SIL1: variants seen among roughly 807,000 people sequenced by gnomAD.
SIL1 encodes nucleotide exchange factor SIL1.
Under a neutral mutation model 49.1 loss-of-function variants are expected in SIL1, and 40 were observed. The observed-to-expected ratio is 0.81, with a 90% CI of 0.63 to 1.06. SIL1 has a LOEUF of 1.06. Among genes scored for constraint, SIL1 ranks in the 50% least tolerant of loss-of-function variants. SIL1 has a pLI of 0.00. For synonymous variants in SIL1, 253 were observed against 250.8 expected (o/e 1.01, Z -0.08); for missense variants, 500 against 572.6 (o/e 0.87, Z 1.29).
At chr5:139,018,040 G>A (rs74830848) in intron 7 of SIL1, among the ~76,000 whole-genome samples, 100 of 152,306 alleles carry the variant, frequency 6.6e-4, no homozygotes, top group African/African-American at 2.3e-3. Context: ...TGCCTTATAT[G>A]TGGGCAAAAA....
intron 3 of SIL1, among the ~76,000 whole-genome samples, chr5:139,075,024 C>T (rs1031036079): frequency 6.6e-6 from 1 of 152,118 alleles, no homozygotes; most frequent in Non-Finnish European, 1.5e-5. Flanking sequence ...GGGGTTTCAC[C>T]ATGTTTGCCA....
At chr5:139,038,521 T>C (rs570548693) in intron 5 of SIL1, among the ~76,000 whole-genome samples, 12 of 152,308 alleles carry the variant, frequency 7.9e-5, no homozygotes, top group South Asian at 4.1e-4. Context: ...CCTAAACTTT[T>C]TGTTGTATTA....
At chr5:139,115,883 C>G (rs1208355975) in intron 3 of SIL1, among the ~76,000 whole-genome samples, 2 of 152,214 alleles carry the variant, frequency 1.3e-5, no homozygotes, top group African/African-American at 2.4e-5. Context: ...CCAGGACTTG[C>G]AACTGCCATA....
At chr5:139,140,128 G>A (rs572110053) in intron 1 of SIL1, among the ~76,000 whole-genome samples, 55 of 152,304 alleles carry the variant, frequency 3.6e-4, no homozygotes, top group African/African-American at 1.2e-3. Context: ...AAATTAGCCA[G>A]GTGTGGTGAT....
chr5:139,154,360 T>C (rs1267070342), intron 1 of SIL1, among the ~76,000 whole-genome samples: 2 of 152,234 alleles, frequency 1.3e-5, no homozygotes, highest in Non-Finnish European at 2.9e-5. Context: ...TCCAGGGACA[T>C]TACAGTGCCC....
rs114930890 is a variant in SIL1 at position 139,164,764 on chromosome 5, G to A, written c.-11+33505C>T. ...GAAGAGGTGGGAAGATGGTAGAGTA[G>A]AAAGCAATGAGGACTAAACTCTGAT... On this transcript the variant is annotated intron_variant, in intron 1 of 9. Transcript: ENST00000394817. 3.1e-3 allele frequency among the ~76,000 whole-genome samples: 470 copies of A among 152,304 alleles called. 2 individuals carry two copies. Among genetic ancestry groups the A allele is most frequent in the African/African-American group, 0.011 (448 of 41,562 alleles).
chr5:139,103,995 G>C (rs975549807), intron 3 of SIL1, among the ~76,000 whole-genome samples: 1 of 151,608 alleles, frequency 6.6e-6, no homozygotes, highest in African/African-American at 2.4e-5. Context: ...AAGAGGCTCA[G>C]CTCTAGACAC....
In SIL1 at chr5:139,183,723, C is replaced by T. The variant is rs151033017; in HGVS notation, c.-11+14546G>A. On this transcript the variant is annotated intron_variant, in intron 1 of 9. Coordinates refer to ENST00000394817, the MANE Select transcript of SIL1 (RefSeq NM_022464.5). ...TGGGAAGACCTGTGGGAAGAGGCCA[C>T]CCGGCAAAGGCAGGCTGTGTATGGT... Among the ~76,000 whole-genome samples, 16 of 152,326 alleles carry T rather than the reference C, an allele frequency of 1.1e-4. 1 individual carries two copies. The East Asian group carries it at 3.1e-3, about 29-fold the overall frequency.
chr5:138,972,992 C>G (rs1335501313), intron 7 of SIL1, among the ~76,000 whole-genome samples: 1 of 152,096 alleles, frequency 6.6e-6, no homozygotes, highest in Non-Finnish European at 1.5e-5. Flanking sequence ...CTTGTTCAGT[C>G]CCAGCATGGA....
chr5:139,020,871 C>G (rs187613645), intron 7 of SIL1, among the ~76,000 whole-genome samples: 53 of 152,306 alleles, frequency 3.5e-4, no homozygotes, highest in African/African-American at 1.1e-3. Flanking sequence ...ATTCCCCTCC[C>G]TCTCTACTAT....
intron 7 of SIL1, among the ~76,000 whole-genome samples, chr5:138,982,675 G>A (rs981950277): frequency 6.6e-6 from 1 of 152,184 alleles, no homozygotes; most frequent in Non-Finnish European, 1.5e-5. Flanking sequence ...GTGGGATGCC[G>A]GTGCTCCTGG....
intron 1 of SIL1, among the ~76,000 whole-genome samples, chr5:139,187,290 G>A (rs1421604919): frequency 3.3e-5 from 5 of 152,112 alleles, no homozygotes; most frequent in Admixed American, 1.3e-4. Context: ...ATGCCGAGGC[G>A]GGTGGATCAC....
At chr5:139,089,189 T>C (rs1477633474) in intron 3 of SIL1, among the ~76,000 whole-genome samples, 1 of 152,206 alleles carries the variant, frequency 6.6e-6, no homozygotes, top group African/African-American at 2.4e-5. Context: ...GAGAAGGCCT[T>C]TTCTGAACTG....
intron 7 of SIL1, among the ~76,000 whole-genome samples, chr5:138,964,660 GGTTT>G (rs1767096435): frequency 6.6e-6 from 1 of 152,160 alleles, no homozygotes; most frequent in Non-Finnish European, 1.5e-5. Context: ...AAACGTAAAT[GGTTT>G]GTTTAAGATT....
intron 7 of SIL1, among the ~76,000 whole-genome samples, chr5:138,967,296 T>A (rs1466070664): frequency 2.0e-5 from 3 of 152,170 alleles, no homozygotes; most frequent in African/African-American, 7.2e-5. Context: ...ACTCACGAAA[T>A]CAGAACCATT....
Position 139,070,633 on chromosome 5 carries a change from T to C in SIL1, c.245-19587A>G, listed in dbSNP as rs1057100581. Among the ~76,000 whole-genome samples, 5 of 152,140 alleles carry C rather than the reference T, an allele frequency of 3.3e-5. No homozygotes were observed. The South Asian group carries it at 6.2e-4, about 19-fold the overall frequency. The stretch of plus-strand genomic sequence containing the variant: ...TTAGAGTAACATGAAAAGAACTCAT[T>C]TGAAAACCTTCAACTGACCAAAAAT... On this transcript the variant is annotated intron_variant, in intron 3 of 9. Transcript: ENST00000394817.
chr5:139,123,682 A>C (rs6890524), intron 2 of SIL1, among the ~76,000 whole-genome samples: 2,399 of 152,302 alleles, frequency 0.016, 68 homozygotes, highest in African/African-American at 0.054. Context: ...CCAGGCAGGG[A>C]TGCAGGGAAA....
At chr5:139,144,861 C>A (rs540614972) in intron 1 of SIL1, among the ~76,000 whole-genome samples, 44 of 151,830 alleles carry the variant, frequency 2.9e-4, no homozygotes, top group African/African-American at 1.0e-3. Flanking sequence ...ACAAAGCAAG[C>A]CTCCCATCTA....
intron 3 of SIL1, among the ~76,000 whole-genome samples, chr5:139,120,497 C>G (rs1237637341): frequency 6.6e-6 from 1 of 152,170 alleles, no homozygotes; most frequent in East Asian, 1.9e-4. Flanking sequence ...CAATTGTTGA[C>G]TATTCTCATT....
Sources: allele counts gnomAD v4.1 joint callset (sites outside exome capture counted in the v4.1 genomes callset), GRCh38; gene constraint gnomAD v4.1.1; transcripts MANE v1.5; gene names NCBI Gene and HGNC (gene_info 2026-07-23, HGNC 2026-07-21).